CKAP2: variants seen among roughly 807,000 people sequenced by gnomAD.
CKAP2 encodes cytoskeleton-associated protein 2.
A neutral mutation model predicts 58.4 loss-of-function variants in CKAP2; 46 were observed. The observed-to-expected ratio is 0.79, with a 90% CI of 0.62 to 1.01. CKAP2 has a LOEUF of 1.01. CKAP2 is among the 50% of genes least tolerant of loss of function. The probability of loss-of-function intolerance (pLI) is 0.00; values close to 1 mark genes in which losing one functional copy is unlikely to be tolerated. For missense variants in CKAP2, 809 were observed against 796.4 expected (o/e 1.02, Z -0.19); for synonymous variants, 293 against 280.9 (o/e 1.04, Z -0.43).
intron 7 of CKAP2, among the ~76,000 whole-genome samples, chr13:52,469,585 A>ATTTTTT (rs768281163): frequency 6.9e-6 from 1 of 144,084 alleles, no homozygotes. Flanking sequence ...ATATTTATTT[A>ATTTTTT]TTTATTTATT....
At chr13:52,464,638 G>C (rs1455968175) in intron 5 of CKAP2, among the ~76,000 whole-genome samples, 2 of 149,906 alleles carry the variant, frequency 1.3e-5, no homozygotes, top group Non-Finnish European at 3.0e-5. Context: ...TTTGCTATTT[G>C]GACCAAAATC....
intron 6 of CKAP2, among the ~76,000 whole-genome samples, chr13:52,468,057 G>T (rs556065257): frequency 1.3e-5 from 2 of 152,106 alleles, no homozygotes; most frequent in African/African-American, 4.8e-5. Context: ...TGATCTGCCC[G>T]TCTAGGCCTC....
In CKAP2 at chr13:52,461,710, C is replaced by T. The variant is rs771792947; in HGVS notation, c.884C>T (p.Ala295Val). 6.2e-7 allele frequency: 1 copy of T among 1,613,762 alleles called. No homozygotes were observed. Among genetic ancestry groups the T allele is most frequent in the Non-Finnish European group, 8.5e-7 (1 of 1,179,886 alleles). ...HEKELLQSKTALSSVKTSSSQ... is the reference protein window; with the variant it reads ...HEKELLQSKTVLSSVKTSSSQ... ...AAAGAACTATTACAATCAAAAACAGCTTTATCTAGTGTCAAAACCAGTTCT... is the reference window on the plus strand; with the variant it reads ...AAAGAACTATTACAATCAAAAACAGTTTTATCTAGTGTCAAAACCAGTTCT... The change falls in exon 4 of 9, where the codon GCT becomes GTT. Residue 295 changes from alanine to valine, a missense_variant. Ala to Val is a moderately conservative substitution (Grantham distance 64). Coordinates refer to ENST00000258607, the MANE Select transcript of CKAP2 (RefSeq NM_018204.5).
chr13:52,461,474 A>T lies in CKAP2; in HGVS notation c.648A>T (p.Lys216Asn). Residue 216 changes from lysine (K) to asparagine (N), a missense_variant, in exon 4 of 9, where the codon AAA becomes AAT. Coordinates refer to ENST00000258607, the MANE Select transcript of CKAP2 (RefSeq NM_018204.5). ...KLSATIPKAT[K>N]PQPVNTSSVT... ...CAGCCACTATACCTAAAGCCACAAA[A>T]CCTCAGCCTGTAAACACCAGCAGTG... 6.2e-7 allele frequency: 1 copy of T among 1,614,140 alleles called. No individual in the cohort carries two copies. The highest frequency in any genetic ancestry group is 1.1e-5 in the South Asian group (1 of 91,076).
Position 52,461,498 on chromosome 13 carries a change from T to C in CKAP2, c.672T>C (p.Ser224=), listed in dbSNP as rs755783909. ...ATKPQPVNTS[S]VTVKSNRSSN... The stretch of plus-strand genomic sequence containing the variant: ...AACCTCAGCCTGTAAACACCAGCAG[T>C]GTAACAGTGAAAAGTAATAGATCCT... The change falls in exon 4 of 9, where the codon AGT becomes AGC. Residue 224 remains serine (S), a synonymous_variant. Coordinates refer to ENST00000258607, the MANE Select transcript of CKAP2 (RefSeq NM_018204.5). The C allele has an allele frequency of 3.4e-5, 55 of 1,613,988 alleles. No individual in the cohort carries two copies. Among genetic ancestry groups the C allele is most frequent in the Non-Finnish European group, 4.3e-5 (51 of 1,180,036 alleles).
Position 52,461,155 on chromosome 13 carries a change from A to G in CKAP2, c.329A>G (p.Asn110Ser), listed in dbSNP as rs36022164. Residue 110 changes from asparagine (N) to serine (S), a missense_variant, in exon 4 of 9, where the codon AAT (asparagine) becomes AGT (serine). By Grantham distance (46) the Asn-to-Ser change is conservative (BLOSUM62 1). Coordinates refer to ENST00000258607, the MANE Select transcript of CKAP2 (RefSeq NM_018204.5). ...TTAAAACCTTCAAATGAACTAACCA[A>G]TTCAACTGTAGTAATTGACACACAT... is the stretch of plus-strand genomic sequence containing the variant. ...IPLKPSNELT[N>S]STVVIDTHKP... The G allele has an allele frequency of 3.1e-4, 500 of 1,613,592 alleles. No individual in the cohort carries two copies. The African/African-American group carries it at 5.9e-3, about 19-fold the overall frequency.
At chr13:52,474,290 A>G (rs1018389092) in intron 8 of CKAP2, among the ~76,000 whole-genome samples, 3 of 151,976 alleles carry the variant, frequency 2.0e-5, no homozygotes, top group African/African-American at 7.3e-5. Flanking sequence ...GTTCAAGACT[A>G]TCCTGGGCAA....
At position 52,455,541 on chromosome 13, in the gene CKAP2, C is replaced by T. The variant is rs2137826230; in HGVS notation, c.-16C>T. On this transcript the variant is annotated 5_prime_UTR_variant, in exon 1 of 9. Coordinates refer to ENST00000258607, the MANE Select transcript of CKAP2 (RefSeq NM_018204.5). ...TGGCGCTAAAGCGGAGACGCATCCCCCGACCCGAGGCTACGATGAGCACAC... is the reference window on the plus strand; with the variant it reads ...TGGCGCTAAAGCGGAGACGCATCCCTCGACCCGAGGCTACGATGAGCACAC... The T allele has an allele frequency of 6.2e-7, 1 of 1,612,948 alleles. No individual in the cohort carries two copies. The highest frequency in any genetic ancestry group is 8.5e-7 in the Non-Finnish European group (1 of 1,179,830).
chr13:52,471,074 C>G (rs924796502), intron 7 of CKAP2, among the ~76,000 whole-genome samples: 8 of 152,132 alleles, frequency 5.3e-5, no homozygotes, highest in African/African-American at 1.9e-4. Flanking sequence ...AGGAGAATCT[C>G]TTGAACCCGG....
intron 1 of CKAP2, chr13:52,455,839 G>A: frequency 1.2e-6 from 1 of 824,128 alleles, no homozygotes; most frequent in Non-Finnish European, 1.6e-6. Flanking sequence ...CTGTGCGGTC[G>A]CTGCTGGCTG....
rs144260038 is a variant in CKAP2, at chr13:52,462,776, T to TG, written c.1305+210dup. On this transcript the variant is annotated intron_variant, in intron 5 of 8. Coordinates refer to ENST00000258607, the MANE Select transcript of CKAP2 (RefSeq NM_018204.5). ...AATTGTGAGCTTATTAGCCTTTAAC[T>TG]GACTACATTTTGCATTGAGTTCATA... Among the ~76,000 whole-genome samples the TG allele has an allele frequency of 7.4e-3, 1,128 of 152,336 alleles. 6 individuals are homozygous for TG. The highest frequency in any genetic ancestry group is 0.017 in the African/African-American group (704 of 41,580).
At position 52,456,548 on chromosome 13, in the gene CKAP2, A is replaced by T; in HGVS notation, c.96A>T (p.Glu32Asp). The change falls in exon 2 of 9, where the codon GAA (glutamate) becomes GAT (aspartate). Residue 32 changes from glutamate (E) to aspartate (D), a missense_variant. This residue lies in a region of CKAP2 where 523 missense variants were observed against 492.4 expected (regional missense o/e 1.06). Transcript: ENST00000258607. ...AGCAAAGAAGACAAAAACTCAAGGA[A>T]CATCTGTTGAGAAGAAAAACGCTTT... Reference protein sequence around the residue: ...FKEQRRQKLKEHLLRRKTLFA... With the variant: ...FKEQRRQKLKDHLLRRKTLFA... 1 of 1,613,712 alleles carries T rather than the reference A, an allele frequency of 6.2e-7. No homozygotes were observed.
At chr13:52,457,923 A>G (rs1275691030) in intron 2 of CKAP2, among the ~76,000 whole-genome samples, 2 of 152,202 alleles carry the variant, frequency 1.3e-5, no homozygotes, top group African/African-American at 2.4e-5. Context: ...CAGAGAGTGG[A>G]AATGATAACG....
intron 8 of CKAP2, 115 bp from the exon 9 acceptor site, chr13:52,474,780 A>T: frequency 9.8e-7 from 1 of 1,022,262 alleles, no homozygotes; most frequent in Non-Finnish European, 1.4e-6. Flanking sequence ...AAAGACAATT[A>T]AATGCTTTTA....
At chr13:52,465,670 T>C (rs1015570728) in intron 6 of CKAP2, 6 of 646,138 alleles carry the variant, frequency 9.3e-6, no homozygotes, top group African/African-American at 5.4e-5. Flanking sequence ...AATCAGATTT[T>C]AGAAAATGGA....
chr13:52,461,912 C>G lies in CKAP2; in HGVS notation c.1086C>G (p.Thr362=). The change falls in exon 4 of 9, where the codon ACC becomes ACG. Residue 362 remains threonine (T), a synonymous_variant. Coordinates refer to ENST00000258607, the MANE Select transcript of CKAP2 (RefSeq NM_018204.5). Reference sequence around the variant, plus strand: ...GTAGATCAGCTCAGCCCAAAGAAACCTCGGAAGAGAGAAAGTAAGTAGATA... The same window carrying G: ...GTAGATCAGCTCAGCCCAAAGAAACGTCGGAAGAGAGAAAGTAAGTAGATA... The part of the protein sequence containing the change: ...VDSRSAQPKE[T]SEERKARLSE... 1 of 1,591,900 alleles carries G rather than the reference C, an allele frequency of 6.3e-7. No homozygotes were observed. The highest frequency in any genetic ancestry group is 2.2e-5 in the East Asian group (1 of 44,716).
chr13:52,461,237 A>G lies in CKAP2; in HGVS notation c.411A>G (p.Gln137=), dbSNP rs1958569546. Residue 137 remains glutamine (Q), a synonymous_variant, in exon 4 of 9, where the codon CAA becomes CAG. Transcript: ENST00000258607. ...TGTTACTAACTGAAGATGATCCCCA[A>G]AGTCAACATATGACATTAAGCCAGG... ...PHLLLTEDDP[Q]SQHMTLSQAF... 1.9e-6 allele frequency: 3 copies of G among 1,613,914 alleles called. No homozygotes were observed. Among genetic ancestry groups the G allele is most frequent in the Non-Finnish European group, 2.5e-6 (3 of 1,179,964 alleles).
chr13:52,458,955 A>C (rs1489592284), intron 2 of CKAP2, among the ~76,000 whole-genome samples: 3 of 152,230 alleles, frequency 2.0e-5, no homozygotes, highest in Non-Finnish European at 2.9e-5. Context: ...AGCTTTTCAG[A>C]ATTAAACAGT....
At chr13:52,467,797 T>G (rs943745030) in intron 6 of CKAP2, among the ~76,000 whole-genome samples, 1 of 151,926 alleles carries the variant, frequency 6.6e-6, no homozygotes, top group Non-Finnish European at 1.5e-5. Context: ...CGTTTTTGGT[T>G]TTTTTGTTTT....
Sources: allele counts gnomAD v4.1 joint callset (sites outside exome capture counted in the v4.1 genomes callset), GRCh38; gene constraint gnomAD v4.1.1; regional missense constraint gnomAD v4.1.1; transcripts MANE v1.5; gene names NCBI Gene and HGNC (gene_info 2026-07-23, HGNC 2026-07-21).